The following ENOX2 variants were observed in gnomAD, a reference collection of about 807,000 sequenced individuals.
ENOX2 encodes the protein APK1 antigen.
Under a neutral mutation model 45.0 loss-of-function variants are expected in ENOX2, and 36 were observed. That is an observed-to-expected ratio of 0.80 (90% CI 0.61 to 1.06). The LOEUF (loss-of-function observed/expected upper bound fraction) is 1.06, where lower values mean the gene tolerates loss of function less well. ENOX2 is among the 50% of genes least tolerant of loss of function. ENOX2 has a pLI of 0.00. For missense variants in ENOX2, 423 were observed against 462.5 expected, an observed-to-expected ratio of 0.91 and a Z score of 0.78; for synonymous variants, 174 against 152.3, an observed-to-expected ratio of 1.14 and a Z score of -1.05.
rs189542784 is a variant in ENOX2, at chrX:130,737,528, A to G, written c.-38-34274T>C. Among the ~76,000 whole-genome samples the G allele has an allele frequency of 2.9e-3, 326 of 112,315 alleles. 2 individuals carry two copies. Among genetic ancestry groups the G allele is most frequent in the African/African-American group, 9.9e-3 (307 of 30,923 alleles). On this transcript the variant is annotated intron_variant, in intron 3 of 14. Transcript: ENST00000394363. The stretch of plus-strand genomic sequence containing the variant: ...AAATACATAGCTTCCAGATCACCCC[A>G]ATCCTGCCATCTAGAATATTATTAA...
chrX:130,853,195 T>C (rs1347372828), intron 2 of ENOX2, among the ~76,000 whole-genome samples: 1 of 109,551 alleles, frequency 9.1e-6, no homozygotes. Context: ...AGCCAGCTTT[T>C]GGCCGGGCGC....
chrX:130,688,160 C>T (rs1195988213), intron 5 of ENOX2, among the ~76,000 whole-genome samples: 1 of 111,828 alleles, frequency 8.9e-6, no homozygotes, highest in Admixed American at 9.5e-5. Context: ...TATATAAAAC[C>T]CCAAGTGCAT....
chrX:130,716,589 A>G (rs2038336050), intron 3 of ENOX2, among the ~76,000 whole-genome samples: 1 of 111,899 alleles, frequency 8.9e-6, no homozygotes, highest in Non-Finnish European at 1.9e-5. Context: ...AACAAGACAA[A>G]GGCAGATTAT....
At position 130,868,801 on chromosome X, in the gene ENOX2, C is replaced by G. The variant is rs918837714; in HGVS notation, c.-183+32883G>C. 3.6e-5 allele frequency among the ~76,000 whole-genome samples: 4 copies of G among 111,382 alleles called. No individual in the cohort carries two copies. The South Asian group carries it at 1.5e-3, about 42-fold the overall frequency. The stretch of plus-strand genomic sequence containing the variant: ...CTAGATACCTCCAAATTAATACACC[C>G]ACAATGTAATTCATCTTTTCTCCCA... On this transcript the variant is annotated intron_variant, in intron 2 of 14. Coordinates refer to ENST00000394363, the MANE Select transcript of ENOX2 (RefSeq NM_006375.4).
intron 2 of ENOX2, among the ~76,000 whole-genome samples, chrX:130,888,162 C>G (rs186359552): frequency 4.5e-5 from 5 of 111,942 alleles, no homozygotes; most frequent in African/African-American, 1.6e-4. Context: ...CTATGTCTAC[C>G]TAAAAATAGT....
chrX:130,748,234 G>A (rs1273238381), intron 3 of ENOX2, among the ~76,000 whole-genome samples: 2 of 112,062 alleles, frequency 1.8e-5, no homozygotes, highest in African/African-American at 3.2e-5. Context: ...TTATGTGCTA[G>A]ATACTGTGGG....
chrX:130,778,422 T>C (rs866384759), intron 3 of ENOX2, among the ~76,000 whole-genome samples: 1 of 111,861 alleles, frequency 8.9e-6, no homozygotes, highest in Non-Finnish European at 1.9e-5. Flanking sequence ...AAGTATCATT[T>C]TGATTTCCAG....
chrX:130,790,392 G>A (rs905108093), intron 2 of ENOX2, among the ~76,000 whole-genome samples: 2 of 112,000 alleles, frequency 1.8e-5, no homozygotes, highest in African/African-American at 6.5e-5. Flanking sequence ...TAAAAAGGCC[G>A]CATCCATTTC....
chrX:130,776,303 A>G (rs2039854979), intron 3 of ENOX2, among the ~76,000 whole-genome samples: 1 of 111,660 alleles, frequency 9.0e-6, no homozygotes, highest in Non-Finnish European at 1.9e-5. Flanking sequence ...TAAATCACTG[A>G]TATAGTTTAG....
intron 3 of ENOX2, among the ~76,000 whole-genome samples, chrX:130,753,220 CTCTT>C (rs775317793): frequency 3.6e-5 from 4 of 110,583 alleles, no homozygotes; most frequent in South Asian, 3.9e-4. Context: ...TTTTCTCTCT[CTCTT>C]TGTGACCTCC....
intron 2 of ENOX2, among the ~76,000 whole-genome samples, chrX:130,888,321 G>A (rs1169511008): frequency 1.8e-5 from 2 of 111,770 alleles, no homozygotes; most frequent in African/African-American, 3.3e-5. Context: ...AATTAATCAC[G>A]AGTAGGAACA....
At chrX:130,882,113 C>T (rs185681457) in intron 2 of ENOX2, among the ~76,000 whole-genome samples, 1 of 111,214 alleles carries the variant, frequency 9.0e-6, no homozygotes, top group East Asian at 2.8e-4. Flanking sequence ...TATTGAGCAG[C>T]TCTACGATCG....
chrX:130,734,302 C>A (rs923794230), intron 3 of ENOX2, among the ~76,000 whole-genome samples: 6 of 112,185 alleles, frequency 5.3e-5, no homozygotes, highest in African/African-American at 1.9e-4. Context: ...GTCCTCCAAG[C>A]AGCTCTGTTG....
In ENOX2 at chrX:130,791,051, T is replaced by C. The variant is rs1221224696; in HGVS notation, c.-182-7361A>G. 2.7e-5 allele frequency among the ~76,000 whole-genome samples: 3 copies of C among 111,996 alleles called. No individual in the cohort carries two copies. The East Asian group carries it at 8.4e-4, about 31-fold the overall frequency. ...CTATGTTGCCCAGGCAGGTAACTCC[T>C]GGGCTCAAGCTATCCTTCTGCCTCT... is the stretch of plus-strand genomic sequence containing the variant. On this transcript the variant is annotated intron_variant, in intron 2 of 14. Transcript: ENST00000394363.
At chrX:130,722,889 A>G (rs1241961709) in intron 3 of ENOX2, among the ~76,000 whole-genome samples, 1 of 112,505 alleles carries the variant, frequency 8.9e-6, no homozygotes, top group East Asian at 2.8e-4. Flanking sequence ...TAGGTACTCA[A>G]TGAGAACTGA....
At chrX:130,665,418 C>G (rs2036806921) in intron 9 of ENOX2, among the ~76,000 whole-genome samples, 1 of 112,178 alleles carries the variant, frequency 8.9e-6, no homozygotes, top group African/African-American at 3.2e-5. Flanking sequence ...AGGTTTCCAT[C>G]CAGCAGAATG....
At chrX:130,777,441 G>C (rs1276958361) in intron 3 of ENOX2, among the ~76,000 whole-genome samples, 1 of 106,474 alleles carries the variant, frequency 9.4e-6, no homozygotes, top group Non-Finnish European at 1.9e-5. Context: ...GGTGAGCTGT[G>C]ATAGAGCCAC....
At chrX:130,831,189 C>A (rs1245438200) in intron 2 of ENOX2, among the ~76,000 whole-genome samples, 1 of 110,875 alleles carries the variant, frequency 9.0e-6, no homozygotes, top group Non-Finnish European at 1.9e-5. Flanking sequence ...TCATCTCTTA[C>A]GGGTACCATT....
intron 4 of ENOX2, among the ~76,000 whole-genome samples, chrX:130,698,185 C>T (rs182977449): frequency 2.7e-5 from 3 of 111,993 alleles, no homozygotes; most frequent in Admixed American, 9.5e-5. Context: ...TAAACTCATA[C>T]ATTTTTGTTG....
Sources: gnomAD v4.1 joint callset for allele counts (sites outside exome capture counted in the v4.1 genomes callset) on GRCh38, gnomAD v4.1.1 for gene constraint, MANE v1.5 for transcripts, NCBI Gene and HGNC (gene_info 2026-07-23, HGNC 2026-07-21) for gene names.